HIBCH: variants seen among roughly 807,000 people sequenced by gnomAD.
The protein encoded by HIBCH is 3-hydroxyisobutyryl-CoA hydrolase.
Under a neutral mutation model 58.2 loss-of-function variants are expected in HIBCH, and 50 were observed. The ratio of observed to expected loss-of-function variants is 0.86; its 90% CI spans 0.68 to 1.09. The LOEUF is 1.09. Ranked by LOEUF, HIBCH falls within the 50% of genes least tolerant of loss-of-function variation. HIBCH has a pLI of 0.00. For synonymous variants in HIBCH, 151 were observed against 146.9 expected, an observed-to-expected ratio of 1.03 and a Z score of -0.20; for missense variants, 450 against 449.7, an observed-to-expected ratio of 1.00 and a Z score of -0.01.
chr2:190,205,814 T>G (rs1429802352), intron 13 of HIBCH, among the ~76,000 whole-genome samples: 3 of 152,160 alleles, frequency 2.0e-5, no homozygotes, highest in Non-Finnish European at 1.5e-5. Context: ...TAGTCATCAC[T>G]CATCATAGCC....
chr2:190,307,363 T>C (rs1189779738), intron 2 of HIBCH, among the ~76,000 whole-genome samples: 1 of 152,190 alleles, frequency 6.6e-6, no homozygotes, highest in African/African-American at 2.4e-5. Context: ...GCATATTAAA[T>C]TAAAATGCTG....
chr2:190,314,393 A>C (rs1452128958), intron 1 of HIBCH, among the ~76,000 whole-genome samples: 1 of 141,162 alleles, frequency 7.1e-6, no homozygotes, highest in African/African-American at 2.8e-5. Context: ...ATATATATGT[A>C]TATATATACG....
chr2:190,194,261 T>A (rs2105879560), intron 1 of HIBCH, among the ~76,000 whole-genome samples: 1 of 152,296 alleles, frequency 6.6e-6, no homozygotes, highest in East Asian at 1.9e-4. Context: ...AGTTGGAGCA[T>A]AATGTTGTTC....
At chr2:190,288,121 T>C (rs190756760) in intron 5 of HIBCH, among the ~76,000 whole-genome samples, 2 of 148,482 alleles carry the variant, frequency 1.3e-5, no homozygotes, top group East Asian at 4.0e-4. Context: ...ATCATGCCAC[T>C]GCACTCCAGC....
intron 11 of HIBCH, among the ~76,000 whole-genome samples, chr2:190,229,955 T>C (rs559382770): frequency 6.6e-5 from 10 of 152,248 alleles, no homozygotes; most frequent in African/African-American, 2.4e-4. Context: ...AATAATGAAT[T>C]TCTATTCTGC....
chr2:190,280,713 C>T (rs1687684028), intron 6 of HIBCH, among the ~76,000 whole-genome samples: 1 of 152,082 alleles, frequency 6.6e-6, no homozygotes, highest in Non-Finnish European at 1.5e-5. Context: ...TGCTGGCAGG[C>T]CACTGCACAT....
At position 190,236,687 on chromosome 2, in the gene HIBCH, T is replaced by C. The variant is rs1358046839; in HGVS notation, c.891+8200A>G. ...AACATGGCACTAATATTCTTTTTTGTATCTACAATAAAAGGCTTAGAGCCA... is the reference window on the plus strand; with the variant it reads ...AACATGGCACTAATATTCTTTTTTGCATCTACAATAAAAGGCTTAGAGCCA... On this transcript the variant is annotated intron_variant, in intron 11 of 13. Coordinates refer to ENST00000359678, the MANE Select transcript of HIBCH (RefSeq NM_014362.4). This position sits in a 1 kb window ranked among gnomAD's most constrained non-coding sequence, Gnocchi z 4.1. 2.6e-5 allele frequency among the ~76,000 whole-genome samples: 4 copies of C among 152,224 alleles called. No homozygotes were observed. The highest frequency in any genetic ancestry group is 9.6e-5 in the African/African-American group (4 of 41,468).
At chr2:190,199,194 T>C (rs944901333), downstream of HIBCH, among the ~76,000 whole-genome samples, 2 of 152,190 alleles carry the variant, frequency 1.3e-5, no homozygotes, top group Non-Finnish European at 2.9e-5. Context: ...CTTGACAGTA[T>C]AGATCAGGAC....
At chr2:190,247,911 T>TTA (rs1229673381) in intron 9 of HIBCH, among the ~76,000 whole-genome samples, 1 of 152,214 alleles carries the variant, frequency 6.6e-6, no homozygotes, top group African/African-American at 2.4e-5. Flanking sequence ...CCTGCACACT[T>TTA]AATAGACTAC....
chr2:190,248,685 A>T (rs1686679672), intron 9 of HIBCH, among the ~76,000 whole-genome samples: 1 of 151,964 alleles, frequency 6.6e-6, no homozygotes, highest in South Asian at 2.1e-4. Context: ...AACATGGTGA[A>T]ACCCTGTCTC....
At chr2:190,246,045 A>C in intron 10 of HIBCH, 109 bp downstream of exon 10, 70 of 587,134 alleles carry the variant, frequency 1.2e-4, no homozygotes, top group East Asian at 1.4e-4. Context: ...CTCAGAATTC[A>C]GTGCACTATC....
chr2:190,265,947 A>G (rs1008849449), intron 6 of HIBCH, among the ~76,000 whole-genome samples: 7 of 152,180 alleles, frequency 4.6e-5, no homozygotes, highest in Non-Finnish European at 8.8e-5. Flanking sequence ...AGTCTATAAA[A>G]ATAATTTTCA....
intron 8 of HIBCH, 131 bp downstream of exon 8, chr2:190,252,031 A>C: frequency 2.5e-6 from 2 of 808,564 alleles, no homozygotes; most frequent in Non-Finnish European, 4.1e-6. Context: ...ACAGCTATAA[A>C]CTAATAGGTC....
intron 1 of HIBCH, among the ~76,000 whole-genome samples, chr2:190,196,715 G>A (rs1189920261): frequency 6.6e-6 from 1 of 151,992 alleles, no homozygotes; most frequent in Non-Finnish European, 1.5e-5. Context: ...GTCAAATGTG[G>A]TCCATAGGCT....
At chr2:190,259,131 T>G (rs1687012893) in intron 7 of HIBCH, among the ~76,000 whole-genome samples, 1 of 152,204 alleles carries the variant, frequency 6.6e-6, no homozygotes, top group Non-Finnish European at 1.5e-5. Context: ...ATTTTAGAAT[T>G]GTTTTTTCTA....
chr2:190,258,203 G>A (rs185297260), intron 7 of HIBCH, among the ~76,000 whole-genome samples: 59 of 152,194 alleles, frequency 3.9e-4, no homozygotes, highest in South Asian at 1.0e-3. Flanking sequence ...TGCCAGCCAC[G>A]TGAAGATGCA....
At chr2:190,246,131 A>G in intron 10 of HIBCH, 23 bp downstream of exon 10, 1 of 1,350,316 alleles carries the variant, frequency 7.4e-7, no homozygotes, top group Non-Finnish European at 1.1e-6. Context: ...AGGAATATAT[A>G]ACTGAGATCT....
At chr2:190,317,538 A>G (rs1688734941) in intron 1 of HIBCH, among the ~76,000 whole-genome samples, 1 of 152,236 alleles carries the variant, frequency 6.6e-6, no homozygotes, top group Non-Finnish European at 1.5e-5. Flanking sequence ...ATTTAATTGC[A>G]TAAGCAGAAG....
intron 1 of HIBCH, among the ~76,000 whole-genome samples, chr2:190,195,887 G>C (rs1291540984): frequency 1.3e-5 from 2 of 148,776 alleles, no homozygotes; most frequent in African/African-American, 4.9e-5. Flanking sequence ...TTTATATTTA[G>C]GTCTATGATC....
Sources: allele counts gnomAD v4.1 joint callset (sites outside exome capture counted in the v4.1 genomes callset), GRCh38; gene constraint gnomAD v4.1.1; non-coding constraint Gnocchi (gnomAD v3.1); transcripts MANE v1.5; gene names NCBI Gene and HGNC (gene_info 2026-07-23, HGNC 2026-07-21).